PAPLN: variants seen among roughly 807,000 people sequenced by gnomAD.
PAPLN encodes the protein papilin, proteoglycan like sulfated glycoprotein.
A neutral mutation model predicts 159.0 loss-of-function variants in PAPLN; 146 were observed. The ratio of observed to expected loss-of-function variants is 0.92; its 90% CI spans 0.80 to 1.05. The LOEUF (loss-of-function observed/expected upper bound fraction) is 1.05, where lower values mean the gene tolerates loss of function less well. PAPLN is among the 50% of genes least tolerant of loss of function. The pLI is 0.00. For synonymous variants in PAPLN, 734 were observed against 702.9 expected (o/e 1.04, Z -0.70); for missense variants, 1,720 against 1,743.9 (o/e 0.99, Z 0.24).
chr14:73,252,823 G>A (rs749677066), intron 11 of PAPLN, 48 bp downstream of exon 11: 1 of 1,608,024 alleles, frequency 6.2e-7, no homozygotes, highest in African/African-American at 1.3e-5. Flanking sequence ...CAAGAACTTG[G>A]GTGGGAAGGG....
At chr14:73,271,435 C>A (rs17781895) in intron 26 of PAPLN, among the ~76,000 whole-genome samples, 23,818 of 151,878 alleles carry the variant, frequency 0.16, 2,705 homozygotes, top group Non-Finnish European at 0.23. Flanking sequence ...AGGGAAGGTA[C>A]CACTCTGGTC....
In PAPLN at chr14:73,259,507, G is replaced by A. The variant is rs1886318159; in HGVS notation, c.1947G>A (p.Gln649=). 2 of 1,599,040 alleles carry A rather than the reference G, an allele frequency of 1.3e-6. No homozygotes were observed. The highest frequency in any genetic ancestry group is 2.7e-5 in the African/African-American group (2 of 74,638). ...GCCACACGGCATCTCTCGGGCCTCA[G>A]TGGCAAGGCTGCCCTGGGGCCCCCT... ...PDGHTASLGP[Q]WQGCPGAPCQ... Residue 649 remains glutamine, a synonymous_variant, in exon 16 of 27, where the codon CAG becomes CAA. Coordinates refer to ENST00000644200, the MANE Select transcript of PAPLN (RefSeq NM_001365906.3).
In PAPLN at chr14:73,245,999, G is replaced by A. The variant is rs538962634; in HGVS notation, c.232-74G>A. Reference sequence around the variant, plus strand: ...CAAGGGAGACTCCTGGGCTCCCTGGGCTCGGGCGGGGCGGGAGGTGGGCGG... The same window carrying A: ...CAAGGGAGACTCCTGGGCTCCCTGGACTCGGGCGGGGCGGGAGGTGGGCGG... On this transcript the variant is annotated intron_variant, in intron 4 of 26. Transcript: ENST00000644200. This position sits in a 1 kb window ranked among gnomAD's most constrained non-coding sequence, Gnocchi z 4.2. 17 of 1,395,226 alleles carry A rather than the reference G, an allele frequency of 1.2e-5. No homozygotes were observed. In the East Asian group the frequency reaches 2.4e-4, roughly 20 times the overall value. The allele number at this position is 1,395,226 out of a possible 1,614,324, so 86.4% of individuals were successfully genotyped here.
At chr14:73,254,778 A>G in intron 13 of PAPLN, 83 bp downstream of exon 13, 1 of 1,590,084 alleles carries the variant, frequency 6.3e-7, no homozygotes, top group Non-Finnish European at 8.6e-7. Flanking sequence ...CTTGGACCTG[A>G]CACGCGCCAC....
At position 73,255,102 on chromosome 14, in the gene PAPLN, G is replaced by A; in HGVS notation, c.1627+84G>A. ...ACCCAGCAAGCATGTCCTGCCTCGG[G>A]GCCTCTGCCTGCACTGTGTCATCCC... On this transcript the variant is annotated intron_variant, in intron 14 of 26. Coordinates refer to ENST00000644200, the MANE Select transcript of PAPLN (RefSeq NM_001365906.3). The A allele has an allele frequency of 3.3e-6, 5 of 1,506,108 alleles. No homozygotes were observed. The Admixed American group carries it at 6.0e-5, about 18-fold the overall frequency. 93.3% of individuals were successfully genotyped at this position (1,506,108 alleles called of 1,614,324 possible). A position where few individuals can be genotyped will look rare whatever the true frequency, so the allele number is the denominator to read the frequency against.
At position 73,266,588 on chromosome 14, in the gene PAPLN, G is replaced by T; in HGVS notation, c.3351G>T (p.Gly1117=). 6.2e-7 allele frequency: 1 copy of T among 1,614,168 alleles called. No homozygotes were observed. The highest frequency in any genetic ancestry group is 8.5e-7 in the Non-Finnish European group (1 of 1,180,038). The change falls in exon 24 of 27, where the codon GGG becomes GGT. Residue 1117 remains glycine, a synonymous_variant. Transcript: ENST00000644200. ...GGFYTCVAFN[G]QDRDQRWVQL... is the part of the protein sequence containing the mutation. Reference sequence around the variant, plus strand: ...TCTACACCTGTGTCGCTTTCAATGGGCAGGACCGAGACCAGCGATGGGTCC... The same window carrying T: ...TCTACACCTGTGTCGCTTTCAATGGTCAGGACCGAGACCAGCGATGGGTCC...
intron 18 of PAPLN, 170 bp from the exon 19 acceptor site, chr14:73,262,180 C>G (rs887371642): frequency 4.3e-6 from 3 of 701,150 alleles, no homozygotes; most frequent in Admixed American, 4.8e-5. Context: ...TGGACAGACT[C>G]TGGTGGAAGC....
At chr14:73,237,285 CAA>C (rs1003320563), upstream of PAPLN, among the ~76,000 whole-genome samples, 4 of 152,130 alleles carry the variant, frequency 2.6e-5, no homozygotes, top group African/African-American at 9.7e-5. Flanking sequence ...GGCGCTGACC[CAA>C]GAGAGGACAG....
chr14:73,245,969 G>A lies in PAPLN; in HGVS notation c.232-104G>A, dbSNP rs1025171769. 1.1e-5 allele frequency: 13 copies of A among 1,189,868 alleles called. 1 individual carries two copies. The highest frequency in any genetic ancestry group is 4.8e-5 in the South Asian group (3 of 62,352). The allele number at this position is 1,189,868 out of a possible 1,614,324, so 73.7% of individuals were successfully genotyped here. A position where few individuals can be genotyped will look rare whatever the true frequency, so the allele number is the denominator to read the frequency against. The stretch of plus-strand genomic sequence containing the variant: ...CTCCACCTCCGGCGGCTCCGATGGG[G>A]CAGGCAAGGGAGACTCCTGGGCTCC... On this transcript the variant is annotated intron_variant, in intron 4 of 26. Coordinates refer to ENST00000644200, the MANE Select transcript of PAPLN (RefSeq NM_001365906.3). This position sits in a 1 kb window ranked among gnomAD's most constrained non-coding sequence, Gnocchi z 4.2.
chr14:73,256,837 C>T (rs1015114216), intron 14 of PAPLN, among the ~76,000 whole-genome samples: 7 of 151,750 alleles, frequency 4.6e-5, no homozygotes, highest in Non-Finnish European at 7.4e-5. Flanking sequence ...GAGCTGAGAT[C>T]GCAACCCTGT....
At chr14:73,244,566 A>T in intron 2 of PAPLN, 78 bp from the exon 3 acceptor site, 2 of 1,251,472 alleles carry the variant, frequency 1.6e-6, no homozygotes, top group Non-Finnish European at 2.3e-6. Flanking sequence ...GGAGGGTTTT[A>T]GGCAGAGCAT....
chr14:73,264,500 G>T, intron 21 of PAPLN, 88 bp from the exon 22 acceptor site: 2 of 1,526,650 alleles, frequency 1.3e-6, no homozygotes, highest in East Asian at 2.3e-5. Flanking sequence ...TCATTTCTCC[G>T]TAAGTCCCTG....
intron 6 of PAPLN, among the ~76,000 whole-genome samples, chr14:73,250,682 C>A (rs1885146306): frequency 2.0e-5 from 3 of 152,110 alleles, no homozygotes; most frequent in Admixed American, 6.5e-5. Context: ...GAGAGGTGGC[C>A]CCTCAAGGAA....
chr14:73,260,825 CTACAGTAAGTGT>C lies in PAPLN; in HGVS notation c.2103_2106+8del. The stretch of plus-strand genomic sequence containing the variant: ...ATGCCCAGGTCAAGGGCAGTGGCTT[CTACAGTAAGTGT>C]CTGGCCTGGGGGAGGGGAGCAGGGG... On this transcript the variant is annotated splice_donor_variant and splice_donor_5th_base_variant and coding_sequence_variant and intron_variant, in exon 17 of 27. Transcript: ENST00000644200. LOFTEE classifies it high-confidence loss of function. 14 of 1,499,606 alleles carry C rather than the reference CTACAGTAAGTGT, an allele frequency of 9.3e-6. No homozygotes were observed. Among genetic ancestry groups the C allele is most frequent in the Non-Finnish European group, 1.2e-5 (14 of 1,127,420 alleles). 92.9% of individuals were successfully genotyped at this position (1,499,606 alleles called of 1,614,324 possible). A position where few individuals can be genotyped will look rare whatever the true frequency, so the allele number is the denominator to read the frequency against.
At chr14:73,247,984 CTGTGTGTGTGTGTGTGTGTGTGTG>C (rs60942606) in intron 5 of PAPLN, among the ~76,000 whole-genome samples, 1,361 of 19,358 alleles carry the variant, frequency 0.07, 55 homozygotes, top group African/African-American at 0.19. Flanking sequence ...CTCATATCCT[CTGTGTGTGTGTGTGTGTGTGTGTG>C]TGTGTGTGTG....
chr14:73,265,496 C>G lies in PAPLN; in HGVS notation c.3252C>G (p.Val1084=), dbSNP rs370511238. The G allele has an allele frequency of 1.2e-6, 2 of 1,613,856 alleles. No individual in the cohort carries two copies. Among genetic ancestry groups the G allele is most frequent in the Non-Finnish European group, 1.7e-6 (2 of 1,179,938 alleles). Residue 1084 remains valine, a synonymous_variant, in exon 23 of 27, where the codon GTC becomes GTG. Transcript: ENST00000644200. The surrounding 1 kb of genome is among the most constrained non-coding windows in gnomAD (Gnocchi z 4.1). ...AIEWQRDGQP[V]SSPRHQLQPD... is the part of the protein sequence containing the mutation. ...AGTGGCAGAGAGATGGGCAGCCTGT[C>G]TCTTCTCCCAGGTTTATTTGACTCC...
At chr14:73,263,929 C>G (rs923308219) in intron 20 of PAPLN, 147 bp downstream of exon 20, 2 of 1,169,742 alleles carry the variant, frequency 1.7e-6, no homozygotes, top group East Asian at 5.8e-5. Context: ...AGCCCCCCTA[C>G]CCCCTCTGAC....
Position 73,259,438 on chromosome 14 carries a change from G to T in PAPLN, c.1878G>T (p.Gly626=). The change falls in exon 16 of 27, where the codon GGG becomes GGT. Residue 626 remains glycine (G), a synonymous_variant. Coordinates refer to ENST00000644200, the MANE Select transcript of PAPLN (RefSeq NM_001365906.3). ...PYQQPLRSGS[G]PHDCRHSPHG... ...AGCAACCCCTGCGGTCGGGCTCAGG[G>T]CCCCACGACTGCAGACACAGTCCTC... 1 of 1,612,658 alleles carries T rather than the reference G, an allele frequency of 6.2e-7. No individual in the cohort carries two copies. Among genetic ancestry groups the T allele is most frequent in the Non-Finnish European group, 8.5e-7 (1 of 1,179,604 alleles).
At chr14:73,263,583 T>C (rs751072779) in intron 19 of PAPLN, 62 bp from the exon 20 acceptor site, 4 of 1,607,296 alleles carry the variant, frequency 2.5e-6, no homozygotes, top group Non-Finnish European at 3.4e-6. Flanking sequence ...AACACACTGC[T>C]TAGGGTGGTT....
Sources: allele counts gnomAD v4.1 joint callset (sites outside exome capture counted in the v4.1 genomes callset), GRCh38; gene constraint gnomAD v4.1.1; non-coding constraint Gnocchi (gnomAD v3.1); transcripts MANE v1.5; gene names NCBI Gene and HGNC (gene_info 2026-07-23, HGNC 2026-07-21).